Variants in BMPR1B observed in about 807,000 individuals in gnomAD.
BMPR1B encodes the protein bone morphogenetic protein receptor type 1B, also known as bone morphogenetic protein receptor type-1B.
In BMPR1B, 12 loss-of-function variants were observed where a neutral mutation model predicts 59.1. That is an observed-to-expected ratio of 0.20 (90% confidence interval 0.13 to 0.33). The LOEUF (loss-of-function observed/expected upper bound fraction) is 0.33. Among genes scored for constraint, BMPR1B ranks in the 10% least tolerant of loss-of-function variants. The pLI, the probability that BMPR1B is intolerant of heterozygous loss-of-function variation, is 1.00. For synonymous variants in BMPR1B, 237 were observed against 207.3 expected (o/e 1.14, Z -1.23); for missense variants, 550 against 610.9 (o/e 0.90, Z 1.05).
chr4:94,782,202 A>C (rs568826657), intron 1 of BMPR1B, among the ~76,000 whole-genome samples: 2 of 151,458 alleles, frequency 1.3e-5, no homozygotes, highest in Non-Finnish European at 2.9e-5. Context: ...CCTGTTCTTC[A>C]GGTTGTACTA....
intron 2 of BMPR1B, among the ~76,000 whole-genome samples, chr4:94,876,654 T>C (rs915649087): frequency 2.0e-5 from 3 of 152,214 alleles, no homozygotes; most frequent in Non-Finnish European, 2.9e-5. Flanking sequence ...GGGAATTACA[T>C]TGAGACCTCC....
At chr4:95,029,583 A>G (rs9995484) in intron 3 of BMPR1B, among the ~76,000 whole-genome samples, 24,084 of 152,092 alleles carry the variant, frequency 0.16, 2,498 homozygotes, top group Non-Finnish European at 0.23. Context: ...ATACGTGTGC[A>G]TGTGTCTTTA....
chr4:95,131,417 A>G lies in BMPR1B; in HGVS notation c.981A>G (p.Ala327=), dbSNP rs1733351671. ...TCTTTAGTACTCAAGGCAAACCAGC[A>G]ATTGCCCATCGAGATCTGAAAAGTA... ...TEIFSTQGKP[A]IAHRDLKSKN... Residue 327 remains alanine (A), a synonymous_variant, in exon 10 of 13, where the codon GCA becomes GCG. Transcript: ENST00000515059. 6.2e-7 allele frequency: 1 copy of G among 1,613,986 alleles called. No individual in the cohort carries two copies. The highest frequency in any genetic ancestry group is 1.3e-5 in the African/African-American group (1 of 74,920).
At chr4:95,068,080 T>A (rs1170009645) in intron 3 of BMPR1B, among the ~76,000 whole-genome samples, 1 of 151,954 alleles carries the variant, frequency 6.6e-6, no homozygotes, top group Non-Finnish European at 1.5e-5. Flanking sequence ...GAGTTGGAGG[T>A]GAGGGGTAGT....
At chr4:94,783,214 T>C (rs1315353857) in intron 1 of BMPR1B, among the ~76,000 whole-genome samples, 3 of 152,210 alleles carry the variant, frequency 2.0e-5, no homozygotes, top group Non-Finnish European at 4.4e-5. Context: ...CAGTCATAAC[T>C]TGCTTCATAG....
chr4:94,952,749 G>A (rs184285051), intron 2 of BMPR1B, among the ~76,000 whole-genome samples: 1 of 152,250 alleles, frequency 6.6e-6, no homozygotes, highest in East Asian at 1.9e-4. Context: ...GATTTGGGGT[G>A]GAGAGTCTGT....
In BMPR1B at chr4:95,105,846, A is replaced by G. The variant is rs188205957; in HGVS notation, c.143+1279A>G. On this transcript the variant is annotated intron_variant, in intron 4 of 12. Coordinates refer to ENST00000515059, the MANE Select transcript of BMPR1B (RefSeq NM_001203.3). ...AATAGAAAAAGTATCAGGAGAGTTT[A>G]AAAATGTTTGAAAGAAAGCAAAATT... Among the ~76,000 whole-genome samples, 5 of 152,164 alleles carry G rather than the reference A, an allele frequency of 3.3e-5. No individual in the cohort carries two copies. In the South Asian group the frequency reaches 1.0e-3, roughly 32 times the overall value.
intron 3 of BMPR1B, among the ~76,000 whole-genome samples, chr4:95,031,199 C>A (rs1406075829): frequency 6.6e-6 from 1 of 152,106 alleles, no homozygotes; most frequent in Non-Finnish European, 1.5e-5. Flanking sequence ...TTTTCTTAAT[C>A]TATATATCTT....
At chr4:95,042,805 C>T (rs1173383440) in intron 3 of BMPR1B, among the ~76,000 whole-genome samples, 4 of 152,172 alleles carry the variant, frequency 2.6e-5, no homozygotes, top group African/African-American at 9.7e-5. Flanking sequence ...AGACATCTTC[C>T]TCTCATTCTG....
chr4:95,009,301 A>G (rs1723065680), intron 3 of BMPR1B, among the ~76,000 whole-genome samples: 1 of 152,170 alleles, frequency 6.6e-6, no homozygotes, highest in African/African-American at 2.4e-5. Context: ...TGTATGCCTC[A>G]GGAAATAGGT....
chr4:94,764,952 T>A (rs1468524580), intron 1 of BMPR1B, among the ~76,000 whole-genome samples: 1 of 152,090 alleles, frequency 6.6e-6, no homozygotes, highest in Non-Finnish European at 1.5e-5. Flanking sequence ...AATTTAGGTT[T>A]GTGATTAGGT....
intron 1 of BMPR1B, among the ~76,000 whole-genome samples, chr4:94,804,440 A>G (rs1723532004): frequency 6.6e-6 from 1 of 152,222 alleles, no homozygotes; most frequent in Admixed American, 6.5e-5. Context: ...AAATTGTTAA[A>G]TATCTATTGA....
intron 1 of BMPR1B, among the ~76,000 whole-genome samples, chr4:94,873,416 T>TG (rs996342998): frequency 2.6e-5 from 4 of 151,810 alleles, no homozygotes; most frequent in African/African-American, 9.7e-5. Context: ...AATTCTTTTT[T>TG]TTTTTTTTTG....
chr4:95,100,427 A>G (rs529137510), intron 3 of BMPR1B, among the ~76,000 whole-genome samples: 3 of 152,146 alleles, frequency 2.0e-5, no homozygotes, highest in Admixed American at 6.5e-5. Flanking sequence ...GTTCAATGCC[A>G]TACTTATTTT....
At chr4:94,821,665 A>G (rs1724215409) in intron 1 of BMPR1B, among the ~76,000 whole-genome samples, 1 of 152,200 alleles carries the variant, frequency 6.6e-6, no homozygotes, top group African/African-American at 2.4e-5. Flanking sequence ...TAGGCATTGT[A>G]TTAGGTACTG....
intron 3 of BMPR1B, among the ~76,000 whole-genome samples, chr4:95,060,376 A>G (rs1162553036): frequency 1.3e-5 from 2 of 152,222 alleles, no homozygotes; most frequent in Admixed American, 6.5e-5. Context: ...TAACTTACCC[A>G]TATACCCAGT....
chr4:95,023,052 T>C (rs1724106232), intron 3 of BMPR1B, among the ~76,000 whole-genome samples: 1 of 152,166 alleles, frequency 6.6e-6, no homozygotes, highest in South Asian at 2.1e-4. Flanking sequence ...TACATCTTTT[T>C]TTTACAGTGA....
At position 94,863,293 on chromosome 4, in the gene BMPR1B, A is replaced by G. The variant is rs143172399; in HGVS notation, c.-182-12538A>G. Among the ~76,000 whole-genome samples the G allele has an allele frequency of 2.6e-5, 4 of 152,222 alleles. No homozygotes were observed. The East Asian group carries it at 7.7e-4, about 29-fold the overall frequency. On this transcript the variant is annotated intron_variant, in intron 1 of 12. Coordinates refer to ENST00000515059, the MANE Select transcript of BMPR1B (RefSeq NM_001203.3). ...AAACCCTACGACACACAATTTATCT[A>G]TAGAACAAACCTGCACGTGTACCCC... is the stretch of plus-strand genomic sequence containing the variant.
chr4:94,759,210 G>C (rs12508481), intron 1 of BMPR1B, among the ~76,000 whole-genome samples: 105,697 of 152,154 alleles, frequency 0.69, 36,898 homozygotes, highest in African/African-American at 0.75. Flanking sequence ...CACCTTTCCA[G>C]CAAGGTGAGG....
Sources: allele counts gnomAD v4.1 joint callset (sites outside exome capture counted in the v4.1 genomes callset), GRCh38; gene constraint gnomAD v4.1.1; transcripts MANE v1.5; gene names NCBI Gene and HGNC (gene_info 2026-07-23, HGNC 2026-07-21).